The following M1AP variants were observed in gnomAD, a reference collection of about 807,000 sequenced individuals.
The protein encoded by M1AP is meiosis 1 arrest protein.
Under a neutral mutation model 51.2 loss-of-function variants are expected in M1AP, and 39 were observed. The observed-to-expected ratio is 0.76, with a 90% CI of 0.59 to 1.00. The LOEUF (loss-of-function observed/expected upper bound fraction) is 1.00. M1AP is among the 50% of genes least tolerant of loss of function. M1AP has a pLI of 0.00. For synonymous variants in M1AP, 251 were observed against 249.2 expected (o/e 1.01, Z -0.07); for missense variants, 545 against 641.2 (o/e 0.85, Z 1.62).
At chr2:74,583,714 T>G (rs1679546365) in intron 4 of M1AP, among the ~76,000 whole-genome samples, 1 of 152,162 alleles carries the variant, frequency 6.6e-6, no homozygotes, top group Non-Finnish European at 1.5e-5. Flanking sequence ...GCTGGATTAT[T>G]TCTAGAATGA....
intron 4 of M1AP, among the ~76,000 whole-genome samples, chr2:74,602,626 C>T (rs1040702229): frequency 1.3e-5 from 2 of 152,180 alleles, no homozygotes; most frequent in African/African-American, 4.8e-5. Flanking sequence ...AGAGAAGCTG[C>T]TGTTGCCAAT....
At chr2:74,635,399 G>T (rs1682928440) in intron 2 of M1AP, among the ~76,000 whole-genome samples, 1 of 151,958 alleles carries the variant, frequency 6.6e-6, no homozygotes, top group African/African-American at 2.4e-5. Flanking sequence ...CTTGCCAGAG[G>T]TTTGTTAATT....
At chr2:74,644,067 A>AAG (rs1406724317) in intron 1 of M1AP, among the ~76,000 whole-genome samples, 1 of 152,220 alleles carries the variant, frequency 6.6e-6, no homozygotes, top group Non-Finnish European at 1.5e-5. Flanking sequence ...TATGATAAAA[A>AAG]AGATAGCTAA....
At position 74,558,688 on chromosome 2, in the gene M1AP, T is replaced by C; in HGVS notation, c.*28A>G. 10 of 1,610,610 alleles carry C rather than the reference T, an allele frequency of 6.2e-6. No homozygotes were observed. Among genetic ancestry groups the C allele is most frequent in the Admixed American group, 1.7e-5 (1 of 59,296 alleles). On this transcript the variant is annotated 3_prime_UTR_variant, in exon 11 of 11. Transcript: ENST00000421985. Reference sequence around the variant, plus strand: ...AACCTGAGCATGGATATGGTTAAGCTGGGCAGCTGGGCTCTGGTGCTGGTG... The same window carrying C: ...AACCTGAGCATGGATATGGTTAAGCCGGGCAGCTGGGCTCTGGTGCTGGTG...
intron 4 of M1AP, among the ~76,000 whole-genome samples, chr2:74,588,528 G>A (rs1679851008): frequency 1.3e-5 from 2 of 152,206 alleles, no homozygotes; most frequent in African/African-American, 4.8e-5. Context: ...AACACAACAT[G>A]AGAATAATCT....
chr2:74,648,233 G>A, intron 1 of M1AP, 32 bp downstream of exon 1: 2 of 975,890 alleles, frequency 2.0e-6, no homozygotes, highest in Non-Finnish European at 2.4e-6. Flanking sequence ...CTCTCGGGCT[G>A]CCCTCCCTCC....
intron 4 of M1AP, among the ~76,000 whole-genome samples, chr2:74,587,863 CG>C (rs1271550305): frequency 6.6e-6 from 1 of 152,124 alleles, no homozygotes; most frequent in Admixed American, 6.5e-5. Context: ...TGCCCTCCTG[CG>C]GCCACAATGG....
chr2:74,622,543 C>CTTT (rs534273779), intron 2 of M1AP, among the ~76,000 whole-genome samples: 3,380 of 117,236 alleles, frequency 0.029, 172 homozygotes, highest in African/African-American at 0.092. Flanking sequence ...CCATTGCCTG[C>CTTT]TTTTTTTTTT....
At chr2:74,570,702 T>A (rs1327198084) in intron 7 of M1AP, among the ~76,000 whole-genome samples, 1 of 152,120 alleles carries the variant, frequency 6.6e-6, no homozygotes, top group Non-Finnish European at 1.5e-5. Context: ...AAATTTAAGG[T>A]TTCTGTATTA....
chr2:74,621,835 C>T (rs1319490203), intron 2 of M1AP, among the ~76,000 whole-genome samples: 1 of 149,634 alleles, frequency 6.7e-6, no homozygotes, highest in Non-Finnish European at 1.5e-5. Context: ...TGGTTGGGGG[C>T]GGTGGCTCAA....
intron 7 of M1AP, among the ~76,000 whole-genome samples, chr2:74,573,399 CTGGAGTGCAG>C (rs1283427186): frequency 1.3e-5 from 2 of 152,200 alleles, no homozygotes; most frequent in African/African-American, 4.8e-5. Flanking sequence ...GTCGCCCAGG[CTGGAGTGCAG>C]TGGTGCGATC....
intron 1 of M1AP, among the ~76,000 whole-genome samples, chr2:74,644,644 A>C (rs185565883): frequency 6.6e-6 from 1 of 152,214 alleles, no homozygotes. Flanking sequence ...GCATTTGTTC[A>C]TTCAACATTT....
At chr2:74,574,363 C>G (rs945246127) in intron 7 of M1AP, among the ~76,000 whole-genome samples, 1 of 152,204 alleles carries the variant, frequency 6.6e-6, no homozygotes, top group African/African-American at 2.4e-5. Context: ...TATCCAATCT[C>G]TCAACCAAGT....
intron 2 of M1AP, among the ~76,000 whole-genome samples, chr2:74,628,097 C>A (rs767434947): frequency 3.9e-5 from 6 of 152,152 alleles, no homozygotes; most frequent in Admixed American, 6.5e-5. Flanking sequence ...CACTACAGAA[C>A]AAATCTTGAC....
intron 1 of M1AP, among the ~76,000 whole-genome samples, chr2:74,644,395 G>A (rs537311928): frequency 7.2e-5 from 11 of 152,116 alleles, no homozygotes; most frequent in African/African-American, 2.6e-4. Flanking sequence ...AAAATTAGCC[G>A]GGCGTGGTAG....
At chr2:74,617,158 T>C (rs1186353684) in intron 2 of M1AP, among the ~76,000 whole-genome samples, 1 of 152,216 alleles carries the variant, frequency 6.6e-6, no homozygotes, top group Non-Finnish European at 1.5e-5. Context: ...CTATTACATT[T>C]TATATACAAA....
intron 2 of M1AP, among the ~76,000 whole-genome samples, chr2:74,623,908 G>T (rs1443997476): frequency 1.3e-5 from 2 of 152,116 alleles, no homozygotes; most frequent in Non-Finnish European, 2.9e-5. Context: ...ATGCGCTCAA[G>T]CGATCCTCCC....
intron 4 of M1AP, among the ~76,000 whole-genome samples, chr2:74,589,142 CA>C (rs1417556922): frequency 3.9e-5 from 6 of 152,188 alleles, no homozygotes; most frequent in African/African-American, 1.2e-4. Flanking sequence ...GACAGTTGGG[CA>C]GAAACTTGAA....
intron 2 of M1AP, among the ~76,000 whole-genome samples, chr2:74,636,276 C>T (rs1682987796): frequency 1.3e-5 from 2 of 151,968 alleles, no homozygotes; most frequent in South Asian, 2.1e-4. Context: ...TAAATCCACT[C>T]CTGCTTTGTT....
Sources: allele counts gnomAD v4.1 joint callset (sites outside exome capture counted in the v4.1 genomes callset), GRCh38; gene constraint gnomAD v4.1.1; transcripts MANE v1.5; gene names NCBI Gene and HGNC (gene_info 2026-07-23, HGNC 2026-07-21).